The following KAT6B variants were observed in gnomAD, a reference collection of about 807,000 sequenced individuals.
The protein encoded by KAT6B is lysine acetyltransferase 6B.
Under a neutral mutation model 187.5 loss-of-function variants are expected in KAT6B, and 10 were observed. The ratio of observed to expected loss-of-function variants is 0.05; its 90% CI spans 0.03 to 0.09. The LOEUF (loss-of-function observed/expected upper bound fraction) is 0.09. Ranked by LOEUF, KAT6B falls within the 10% of genes least tolerant of loss-of-function variation. KAT6B has a pLI of 1.00. For missense variants in KAT6B, 1,952 were observed against 2,558.9 expected, an observed-to-expected ratio of 0.76 and a Z score of 5.12; for synonymous variants, 861 against 926.8, an observed-to-expected ratio of 0.93 and a Z score of 1.29.
At chr10:74,881,645 A>G (rs1238154355) in intron 3 of KAT6B, among the ~76,000 whole-genome samples, 1 of 152,142 alleles carries the variant, frequency 6.6e-6, no homozygotes, top group Non-Finnish European at 1.5e-5. Context: ...TAACCAGCAC[A>G]CAGATGGCGG....
intron 17 of KAT6B, 77 bp downstream of exon 17, chr10:75,025,326 C>T (rs980279220): frequency 1.4e-5 from 20 of 1,481,166 alleles, no homozygotes; most frequent in Admixed American, 3.4e-5. Flanking sequence ...AGGCCTCTGG[C>T]GTGATGCCCA....
Position 74,975,915 on chromosome 10 carries a change from C to T in KAT6B, c.1578C>T (p.Cys526=). 1 of 1,614,174 alleles carries T rather than the reference C, an allele frequency of 6.2e-7. No individual in the cohort carries two copies. The highest frequency in any genetic ancestry group is 8.5e-7 in the Non-Finnish European group (1 of 1,180,030). The change falls in exon 8 of 18, where the codon TGC becomes TGT. Residue 526 remains cysteine (C), a synonymous_variant. Coordinates refer to ENST00000287239, the MANE Select transcript of KAT6B (RefSeq NM_012330.4). ...SPSPQSSSSQ[C]SVPSLSSLTT... The stretch of plus-strand genomic sequence containing the variant: ...CTCCCCAGAGTTCTTCCAGCCAGTG[C>T]AGTGTGCCCTCCCTGAGCAGCCTTA...
intron 2 of KAT6B, among the ~76,000 whole-genome samples, chr10:74,841,899 C>A (rs1378614666): frequency 6.6e-6 from 1 of 152,186 alleles, no homozygotes; most frequent in Non-Finnish European, 1.5e-5. Context: ...TCTCTCAGAA[C>A]AAATGCCACT....
intron 13 of KAT6B, among the ~76,000 whole-genome samples, chr10:74,999,924 C>T (rs1589783289): frequency 6.6e-6 from 1 of 152,214 alleles, no homozygotes; most frequent in East Asian, 1.9e-4. Context: ...CCTGTAATCC[C>T]AGCACTTTGG....
intron 3 of KAT6B, among the ~76,000 whole-genome samples, chr10:74,958,762 G>A (rs777942438): frequency 1.3e-5 from 2 of 152,106 alleles, no homozygotes; most frequent in African/African-American, 2.4e-5. Context: ...ATGTCAGGCC[G>A]GGCTCGGTGG....
intron 3 of KAT6B, among the ~76,000 whole-genome samples, chr10:74,895,727 A>G (rs922911874): frequency 1.3e-5 from 2 of 152,212 alleles, no homozygotes; most frequent in Non-Finnish European, 1.5e-5. Context: ...TTTAATAAAG[A>G]TGAAGTTTCA....
At chr10:74,905,864 C>T (rs1005175419) in intron 3 of KAT6B, among the ~76,000 whole-genome samples, 12 of 152,170 alleles carry the variant, frequency 7.9e-5, no homozygotes, top group Non-Finnish European at 1.3e-4. Context: ...GTGGACCACT[C>T]CTTCCATCCA....
At chr10:74,924,355 A>T (rs1350503015) in intron 3 of KAT6B, among the ~76,000 whole-genome samples, 1 of 152,164 alleles carries the variant, frequency 6.6e-6, no homozygotes, top group Non-Finnish European at 1.5e-5. Flanking sequence ...CTAAAAAAAA[A>T]TTCCTTCATA....
chr10:74,953,257 A>C (rs1840445068), intron 3 of KAT6B, among the ~76,000 whole-genome samples: 2 of 152,186 alleles, frequency 1.3e-5, no homozygotes, highest in Admixed American at 1.3e-4. Flanking sequence ...TTTATAGAGT[A>C]ATTCTAAACT....
At chr10:74,846,716 C>T (rs914351825) in intron 3 of KAT6B, among the ~76,000 whole-genome samples, 3 of 152,124 alleles carry the variant, frequency 2.0e-5, no homozygotes, top group Admixed American at 1.3e-4. Flanking sequence ...GGATTACAGG[C>T]GTGAGCCACT....
intron 13 of KAT6B, among the ~76,000 whole-genome samples, chr10:75,000,055 C>G (rs1843719496): frequency 6.6e-6 from 1 of 151,684 alleles, no homozygotes; most frequent in South Asian, 2.1e-4. Context: ...GCCTGTAGTC[C>G]CAGCTACTCA....
chr10:75,030,885 A>G lies in KAT6B; in HGVS notation c.6061A>G (p.Met2021Val), dbSNP rs1477195408. The G allele has an allele frequency of 6.2e-7, 1 of 1,614,112 alleles. No individual in the cohort carries two copies. The highest frequency in any genetic ancestry group is 8.5e-7 in the Non-Finnish European group (1 of 1,180,018). ...TATGAATCAAACGCCCCAATACCCT[A>G]TGCAGATGCAGATGGGCATGATGGG... ...GYMNQTPQYP[M>V]QMQMGMMGTQ... The change falls in exon 18 of 18, where the codon ATG becomes GTG. Residue 2021 changes from methionine (M) to valine (V), a missense_variant. By Grantham distance (21) the Met-to-Val change is conservative. Coordinates refer to ENST00000287239, the MANE Select transcript of KAT6B (RefSeq NM_012330.4). The surrounding 1 kb of genome is among the most constrained non-coding windows in gnomAD (Gnocchi z 4.8).
chr10:75,004,782 G>A (rs1440518779), intron 13 of KAT6B, among the ~76,000 whole-genome samples: 1 of 152,104 alleles, frequency 6.6e-6, no homozygotes, highest in African/African-American at 2.4e-5. Context: ...GCTCACTGCA[G>A]CATTGAATTC....
intron 3 of KAT6B, among the ~76,000 whole-genome samples, chr10:74,847,641 G>C (rs752676636): frequency 6.6e-6 from 1 of 151,016 alleles, no homozygotes; most frequent in Non-Finnish European, 1.5e-5. Flanking sequence ...TCCAGCCTGG[G>C]CAACAAAAGC....
intron 3 of KAT6B, among the ~76,000 whole-genome samples, chr10:74,875,369 A>C (rs1190514710): frequency 1.3e-5 from 2 of 152,232 alleles, no homozygotes; most frequent in Non-Finnish European, 2.9e-5. Flanking sequence ...GTAGCACATT[A>C]AAGCAATCTT....
intron 15 of KAT6B, 100 bp downstream of exon 15, chr10:75,021,385 T>C (rs1845397592): frequency 1.7e-6 from 2 of 1,175,340 alleles, no homozygotes; most frequent in Non-Finnish European, 2.5e-6. Context: ...CTTGGTTATG[T>C]AGAGATAGCA....
rs547814122 is a variant in KAT6B at position 74,909,185 on chromosome 10, C to A, written c.622-50785C>A. On this transcript the variant is annotated intron_variant, in intron 3 of 17. Transcript: ENST00000287239. The stretch of plus-strand genomic sequence containing the variant: ...CAGGAGTTCGAGACTAGCCTTGCCA[C>A]AATGGCGAAACCCCATCTCTACTAA... Among the ~76,000 whole-genome samples the A allele has an allele frequency of 1.6e-4, 25 of 152,260 alleles. No individual in the cohort carries two copies. In the South Asian group the frequency reaches 5.0e-3, roughly 30 times the overall value.
At chr10:75,010,906 T>C (rs1589804004) in intron 13 of KAT6B, among the ~76,000 whole-genome samples, 1 of 152,338 alleles carries the variant, frequency 6.6e-6, no homozygotes, top group East Asian at 1.9e-4. Flanking sequence ...AGAACAATCT[T>C]AAAGGTAAAG....
intron 3 of KAT6B, among the ~76,000 whole-genome samples, chr10:74,870,312 G>A (rs150816567): frequency 7.9e-5 from 12 of 152,078 alleles, no homozygotes; most frequent in South Asian, 6.2e-4. Flanking sequence ...AAAACCCCAC[G>A]AAAAACCAAA....
Sources: gnomAD v4.1 joint callset for allele counts (sites outside exome capture counted in the v4.1 genomes callset) on GRCh38, gnomAD v4.1.1 for gene constraint, Gnocchi (gnomAD v3.1) non-coding constraint, MANE v1.5 for transcripts, NCBI Gene and HGNC (gene_info 2026-07-23, HGNC 2026-07-21) for gene names.